The following NEK1 variants were observed in gnomAD, a reference collection of about 807,000 sequenced individuals.
NEK1 encodes serine/threonine-protein kinase Nek1.
Under a neutral mutation model 182.1 loss-of-function variants are expected in NEK1, and 137 were observed. The observed-to-expected ratio is 0.75, with a 90% CI of 0.65 to 0.87. NEK1 has a LOEUF of 0.87. Ranked by LOEUF, NEK1 falls within the 40% of genes least tolerant of loss-of-function variation. The probability of loss-of-function intolerance (pLI) is 0.00; values close to 1 mark genes in which losing one functional copy is unlikely to be tolerated. For synonymous variants in NEK1, 513 were observed against 492.2 expected, an observed-to-expected ratio of 1.04 and a Z score of -0.56; for missense variants, 1,391 against 1,494.4, an observed-to-expected ratio of 0.93 and a Z score of 1.14.
In NEK1 at chr4:169,561,874, T is replaced by G; in HGVS notation, c.1098A>C (p.Arg366Ser). 1 of 1,607,774 alleles carries G rather than the reference T, an allele frequency of 6.2e-7. No homozygotes were observed. ...RKISEEAARK[R>S]RLEFIEKEKK... ...TTTCTTTTTCAATAAATTCCAGCCT[T>G]CTCTTTCTTGCTGCTTCCTTAAATA... Residue 366 changes from arginine (R) to serine (S), a missense_variant, in exon 14 of 36, where the codon AGA becomes AGC. By Grantham distance (110) the Arg-to-Ser change is moderately radical. Coordinates refer to ENST00000507142, the MANE Select transcript of NEK1 (RefSeq NM_001199397.3).
chr4:169,548,901 G>C (rs1760968148), intron 18 of NEK1, among the ~76,000 whole-genome samples: 1 of 152,230 alleles, frequency 6.6e-6, no homozygotes, highest in Non-Finnish European at 1.5e-5. Context: ...TGAGCTTGCT[G>C]GGCTCTGTGG....
At chr4:169,442,537 A>G (rs902802681) in intron 27 of NEK1, among the ~76,000 whole-genome samples, 2 of 152,230 alleles carry the variant, frequency 1.3e-5, no homozygotes, top group African/African-American at 4.8e-5. Context: ...GAAACATGAA[A>G]AGTAAGGAAA....
intron 26 of NEK1, among the ~76,000 whole-genome samples, chr4:169,471,997 T>G (rs559389290): frequency 6.6e-6 from 1 of 152,218 alleles, no homozygotes; most frequent in East Asian, 1.9e-4. Flanking sequence ...AACTTCAGAC[T>G]GCTGTGCAGG....
rs886042457 is a variant in NEK1 at position 169,477,197 on chromosome 4, C to T, written c.2361G>A (p.Lys787=). 10 of 1,608,592 alleles carry T rather than the reference C, an allele frequency of 6.2e-6. No homozygotes were observed. In the African/African-American group the frequency reaches 9.4e-5, roughly 15 times the overall value. Residue 787 remains lysine, a synonymous_variant, in exon 26 of 36, where the codon AAG becomes AAA. Coordinates refer to ENST00000507142, the MANE Select transcript of NEK1 (RefSeq NM_001199397.3). ...KEKSVSSDRK[K]WEAGGQLVIP... ...TCACAAGTTGACCTCCTGCCTCCCA[C>T]TTCTTGCGATCAGATGAAACTGATT...
Position 169,608,388 on chromosome 4 carries a change from G to A in NEK1, c.-49+3632C>T, listed in dbSNP as rs188322255. ...AGCAGTGAGACAACTGGGTAGCCAT[G>A]TGGGGAAAAAAAGTTAATTTATTCC... On this transcript the variant is annotated intron_variant, in intron 2 of 35. Transcript: ENST00000507142. Among the ~76,000 whole-genome samples the A allele has an allele frequency of 3.1e-4, 47 of 152,314 alleles. 1 individual carries two copies. The Middle Eastern group carries it at 0.01, about 33-fold the overall frequency.
At chr4:169,567,762 T>A (rs1763956167) in intron 12 of NEK1, among the ~76,000 whole-genome samples, 1 of 152,218 alleles carries the variant, frequency 6.6e-6, no homozygotes, top group Admixed American at 6.5e-5. Flanking sequence ...CTCAATGGTC[T>A]AGCTCAGACC....
Position 169,577,119 on chromosome 4 carries a change from T to C in NEK1, c.869-40A>G, listed in dbSNP as rs74557505. ...ACAAAGAATTTTGTCTGCAGTTCTT[T>C]ACATTAACTCTTTACTTTCAGAATT... On this transcript the variant is annotated intron_variant, in intron 11 of 35. Coordinates refer to ENST00000507142, the MANE Select transcript of NEK1 (RefSeq NM_001199397.3). 41,932 of 1,595,330 alleles carry C rather than the reference T, an allele frequency of 0.026. 694 individuals carry two copies. Among genetic ancestry groups the C allele is most frequent in the Non-Finnish European group, 0.03 (35,513 of 1,165,246 alleles).
chr4:169,451,956 C>T lies in NEK1; in HGVS notation c.2587+11287G>A, dbSNP rs180742432. ...ATAAAAAATGATAAAGGGGATATCA[C>T]CACCAATCCCACAGAAATACAAACT... On this transcript the variant is annotated intron_variant, in intron 27 of 35. Transcript: ENST00000507142. Among the ~76,000 whole-genome samples, 1,372 of 152,222 alleles carry T rather than the reference C, an allele frequency of 9.0e-3. 22 individuals are homozygous for T. The highest frequency in any genetic ancestry group is 0.03 in the African/African-American group (1,253 of 41,530).
chr4:169,500,162 A>C (rs1462487562), intron 23 of NEK1, among the ~76,000 whole-genome samples: 4 of 152,198 alleles, frequency 2.6e-5, no homozygotes, highest in Non-Finnish European at 4.4e-5. Flanking sequence ...CTGTGCTAGC[A>C]ATGAGCGAGG....
chr4:169,467,923 A>C (rs966130603), intron 26 of NEK1, among the ~76,000 whole-genome samples: 6 of 152,190 alleles, frequency 3.9e-5, no homozygotes, highest in Non-Finnish European at 5.9e-5. Flanking sequence ...TAAAGGATTA[A>C]AAATGAATTT....
chr4:169,403,697 C>T (rs1401758544), intron 32 of NEK1, among the ~76,000 whole-genome samples: 3 of 152,028 alleles, frequency 2.0e-5, no homozygotes, highest in African/African-American at 7.3e-5. Flanking sequence ...GGAATTAGTA[C>T]CCTCTGCAGA....
At chr4:169,401,436 T>C (rs185001337) in intron 33 of NEK1, among the ~76,000 whole-genome samples, 195 of 152,004 alleles carry the variant, frequency 1.3e-3, no homozygotes, top group African/African-American at 3.1e-3. Context: ...CAAAAAAGCA[T>C]TGACATAATA....
At chr4:169,424,446 TTG>T in intron 31 of NEK1, 105 bp downstream of exon 31, 1 of 1,274,320 alleles carries the variant, frequency 7.8e-7, no homozygotes, top group Non-Finnish European at 1.0e-6. Context: ...GGATGTGTGT[TTG>T]TGTCTGTGTT....
intron 27 of NEK1, among the ~76,000 whole-genome samples, chr4:169,450,266 T>C (rs762681503): frequency 4.6e-5 from 7 of 152,104 alleles, no homozygotes; most frequent in Non-Finnish European, 8.8e-5. Flanking sequence ...CAGGATATTA[T>C]CCAGGAGAAC....
At chr4:169,570,309 T>C in intron 12 of NEK1, among the ~76,000 whole-genome samples, 1 of 151,556 alleles carries the variant, frequency 6.6e-6, no homozygotes, top group African/African-American at 2.4e-5. Flanking sequence ...CCACCCCGTC[T>C]GGGAAGTGAG....
chr4:169,429,763 T>C, intron 29 of NEK1, among the ~76,000 whole-genome samples: 1 of 152,170 alleles, frequency 6.6e-6, no homozygotes, highest in Non-Finnish European at 1.5e-5. Flanking sequence ...TACTGTTGTA[T>C]TTACTATCTG....
chr4:169,463,403 A>G lies in NEK1; in HGVS notation c.2435-8T>C, dbSNP rs2149501678. ...CTTCTCCCACTGTATGTCCTATAAG[A>G]AAAATATACAAAGAAACAATTTTCA... On this transcript the variant is annotated splice_region_variant and splice_polypyrimidine_tract_variant and intron_variant, in intron 26 of 35. Transcript: ENST00000507142. 2 of 1,581,464 alleles carry G rather than the reference A, an allele frequency of 1.3e-6. No individual in the cohort carries two copies. The highest frequency in any genetic ancestry group is 1.7e-6 in the Non-Finnish European group (2 of 1,160,912).
intron 26 of NEK1, among the ~76,000 whole-genome samples, chr4:169,473,619 TCATGCCTGTAATCCCAG>T (rs1161510215): frequency 6.6e-6 from 1 of 152,146 alleles, no homozygotes; most frequent in African/African-American, 2.4e-5. Flanking sequence ...GCATGGTGGC[TCATGCCTGTAATCCCAG>T]CACTTTGGGG....
At chr4:169,471,055 T>C (rs906896771) in intron 26 of NEK1, among the ~76,000 whole-genome samples, 2 of 152,212 alleles carry the variant, frequency 1.3e-5, no homozygotes, top group Non-Finnish European at 2.9e-5. Context: ...CTTCCTTGCA[T>C]TGGGTTAAAA....
Sources: gnomAD v4.1 joint callset for allele counts (sites outside exome capture counted in the v4.1 genomes callset) on GRCh38, gnomAD v4.1.1 for gene constraint, MANE v1.5 for transcripts, NCBI Gene and HGNC (gene_info 2026-07-23, HGNC 2026-07-21) for gene names.